The following LRRK1 variants were observed in gnomAD, a reference collection of about 807,000 sequenced individuals.
LRRK1 encodes the protein leucine rich repeat kinase 1.
Under a neutral mutation model 209.1 loss-of-function variants are expected in LRRK1, and 113 were observed. The ratio of observed to expected loss-of-function variants is 0.54; its 90% CI spans 0.46 to 0.63. The LOEUF (loss-of-function observed/expected upper bound fraction) is 0.63, where lower values mean the gene tolerates loss of function less well. LRRK1 is among the 30% of genes least tolerant of loss of function. The pLI is 0.00. For synonymous variants in LRRK1, 1,144 were observed against 1,099.7 expected (o/e 1.04, Z -0.80); for missense variants, 2,284 against 2,632.2 (o/e 0.87, Z 2.89).
chr15:101,037,795 G>A (rs530289617), intron 20 of LRRK1, among the ~76,000 whole-genome samples: 2 of 152,196 alleles, frequency 1.3e-5, no homozygotes, highest in African/African-American at 2.4e-5. Context: ...GGACAGGGCT[G>A]TAAAATGGCT....
intron 6 of LRRK1, among the ~76,000 whole-genome samples, chr15:100,999,526 T>C (rs1222226729): frequency 6.6e-6 from 1 of 152,238 alleles, no homozygotes; most frequent in South Asian, 2.1e-4. Flanking sequence ...CAGTTTTGTA[T>C]CCATGTGCGT....
chr15:101,010,564 C>G lies in LRRK1; in HGVS notation c.1104C>G (p.Phe368Leu). The stretch of plus-strand genomic sequence containing the variant: ...CAAAAAATTGTTTAGAAAAATTGTT[C>G]GAAGAAGAAAATGGTATGTTTTCTC... ...TASKNCLEKL[F>L]EEENATNWIG... The change falls in exon 8 of 34, where the codon TTC (phenylalanine) becomes TTG (leucine). Residue 368 changes from phenylalanine (F) to leucine (L), a missense_variant. By Grantham distance (22) the Phe-to-Leu change is conservative (BLOSUM62 0). Coordinates refer to ENST00000388948, the MANE Select transcript of LRRK1 (RefSeq NM_024652.6). The G allele has an allele frequency of 6.2e-7, 1 of 1,611,528 alleles. No homozygotes were observed. The highest frequency in any genetic ancestry group is 8.5e-7 in the Non-Finnish European group (1 of 1,179,470).
chr15:100,966,274 A>C (rs2030449542), intron 2 of LRRK1, among the ~76,000 whole-genome samples: 1 of 152,222 alleles, frequency 6.6e-6, no homozygotes, highest in East Asian at 1.9e-4. Context: ...CTAATTTAAC[A>C]ATTTTTCCTT....
intron 27 of LRRK1, 39 bp downstream of exon 27, chr15:101,055,262 G>A: frequency 6.7e-7 from 1 of 1,502,626 alleles, no homozygotes; most frequent in Non-Finnish European, 8.9e-7. Flanking sequence ...CCACAGTGTA[G>A]GAGCCCAGCC....
chr15:100,994,544 C>T (rs2032310219), intron 6 of LRRK1, among the ~76,000 whole-genome samples: 1 of 152,204 alleles, frequency 6.6e-6, no homozygotes, highest in South Asian at 2.1e-4. Context: ...ACTCTTCTTA[C>T]ACATGCCAAG....
rs375623799 is a variant in LRRK1 at position 100,947,033 on chromosome 15, G to A, written c.97+22304G>A. 2.6e-5 allele frequency among the ~76,000 whole-genome samples: 4 copies of A among 151,580 alleles called. No individual in the cohort carries two copies. In the East Asian group the frequency reaches 5.8e-4, roughly 22 times the overall value. On this transcript the variant is annotated intron_variant, in intron 2 of 33. Coordinates refer to ENST00000388948, the MANE Select transcript of LRRK1 (RefSeq NM_024652.6). Reference sequence around the variant, plus strand: ...TCACCAGGCTGGAGTGCAGTGTCACGATCTCAGCTCACTGCAACCTCCGCC... The same window carrying A: ...TCACCAGGCTGGAGTGCAGTGTCACAATCTCAGCTCACTGCAACCTCCGCC...
intron 29 of LRRK1, among the ~76,000 whole-genome samples, 163 bp downstream of exon 29, chr15:101,058,304 G>T (rs762319254): frequency 1.3e-5 from 2 of 152,194 alleles, no homozygotes; most frequent in Non-Finnish European, 2.9e-5. Flanking sequence ...GAGAGCAGAA[G>T]AAAGTCCACA....
chr15:101,016,042 TG>T (rs1337747067), intron 12 of LRRK1, among the ~76,000 whole-genome samples: 1 of 150,924 alleles, frequency 6.6e-6, no homozygotes, highest in African/African-American at 2.4e-5. Context: ...CAGGCTGGAG[TG>T]CAGTGGCGCG....
rs142298679 is a variant in LRRK1 at position 101,062,291 on chromosome 15, C to T, written c.4798-283C>T. The T allele has an allele frequency of 3.2e-3, 1,090 of 342,402 alleles. 14 individuals are homozygous for T. Among genetic ancestry groups the T allele is most frequent in the East Asian group, 9.3e-3 (149 of 16,012 alleles). 21.2% of individuals were successfully genotyped at this position (342,402 alleles called of 1,614,324 possible). On this transcript the variant is annotated intron_variant, in intron 30 of 33. Transcript: ENST00000388948. ...GTACCAGGTGCACACACAAATACCA[C>T]AGAGAACTTCTGAGAGGCTGTGCCC...
At chr15:100,969,713 G>A (rs1377069057) in intron 2 of LRRK1, among the ~76,000 whole-genome samples, 3 of 152,062 alleles carry the variant, frequency 2.0e-5, no homozygotes, top group African/African-American at 7.2e-5. Context: ...ATTCTCATTG[G>A]TCAGCTCCCA....
intron 22 of LRRK1, among the ~76,000 whole-genome samples, chr15:101,049,164 G>A (rs1006883339): frequency 4.6e-5 from 7 of 152,124 alleles, no homozygotes; most frequent in African/African-American, 4.8e-5. Context: ...CAGGTTTAAC[G>A]AATGATAAAC....
At chr15:101,056,743 G>C in intron 27 of LRRK1, 113 bp from the exon 28 acceptor site, 2 of 779,568 alleles carry the variant, frequency 2.6e-6, no homozygotes, top group Non-Finnish European at 4.0e-6. Flanking sequence ...GTGGTTTGTT[G>C]AATGTTTGTT....
chr15:100,987,007 C>A (rs1596239611), intron 4 of LRRK1, among the ~76,000 whole-genome samples: 2 of 152,318 alleles, frequency 1.3e-5, no homozygotes, highest in Middle Eastern at 3.4e-3. Flanking sequence ...CCCATCTCAA[C>A]AGAAGTTACT....
intron 2 of LRRK1, among the ~76,000 whole-genome samples, chr15:100,935,285 G>A (rs1245850014): frequency 6.6e-5 from 10 of 152,224 alleles, no homozygotes; most frequent in Non-Finnish European, 1.3e-4. Context: ...CAGGGAAGGT[G>A]TCTGGGGGGA....
At chr15:101,056,248 G>A (rs773788262) in intron 27 of LRRK1, among the ~76,000 whole-genome samples, 8 of 152,296 alleles carry the variant, frequency 5.3e-5, no homozygotes, top group South Asian at 2.1e-4. Context: ...TCCAGGAGAC[G>A]CTCCTTTTTT....
chr15:101,054,948 TCTTC>T lies in LRRK1; in HGVS notation c.4061_4064del (p.Ser1354LeufsTer12). ...TGAAAATTGTTTTTCTTTGCAAGAT[TCTTC>T]CTTTATACCCCTGGGACACATGCTC... is the stretch of plus-strand genomic sequence containing the variant. On this transcript the variant is annotated frameshift_variant, in exon 27 of 34. Transcript: ENST00000388948. LOFTEE classifies it high-confidence loss of function. 1 of 1,570,528 alleles carries T rather than the reference TCTTC, an allele frequency of 6.4e-7. No individual in the cohort carries two copies. The highest frequency in any genetic ancestry group is 8.6e-7 in the Non-Finnish European group (1 of 1,160,836).
chr15:100,988,863 A>T, intron 5 of LRRK1, 50 bp downstream of exon 5: 2 of 1,450,540 alleles, frequency 1.4e-6, no homozygotes, highest in South Asian at 2.6e-5. Context: ...AAACCATCTC[A>T]GCCTCCAGAT....
At chr15:100,937,995 C>T (rs920353404) in intron 2 of LRRK1, among the ~76,000 whole-genome samples, 13 of 151,408 alleles carry the variant, frequency 8.6e-5, no homozygotes, top group South Asian at 2.1e-4. Context: ...GGACTACAGG[C>T]GCACACCACC....
At chr15:100,979,715 CT>C (rs1478162080) in intron 3 of LRRK1, among the ~76,000 whole-genome samples, 3 of 151,916 alleles carry the variant, frequency 2.0e-5, no homozygotes, top group African/African-American at 7.3e-5. Context: ...ATATAAAGAA[CT>C]CTCAGAACTC....
Sources: gnomAD v4.1 joint callset for allele counts (sites outside exome capture counted in the v4.1 genomes callset) on GRCh38, gnomAD v4.1.1 for gene constraint, MANE v1.5 for transcripts, NCBI Gene and HGNC (gene_info 2026-07-23, HGNC 2026-07-21) for gene names.